KCNMA1: variants seen among roughly 807,000 people sequenced by gnomAD.
KCNMA1 encodes potassium calcium-activated channel subfamily M alpha 1, also known as Calcium-activated potassium channel subunit alpha-1.
KCNMA1 carries 29 observed loss-of-function variants against 140.0 expected under a neutral mutation model. That is an observed-to-expected ratio of 0.21 (90% CI 0.15 to 0.28). The LOEUF (loss-of-function observed/expected upper bound fraction) is 0.28, where lower values mean the gene tolerates loss of function less well. KCNMA1 is among the 10% of genes least tolerant of loss of function. KCNMA1 has a pLI of 1.00. For missense variants in KCNMA1, 880 were observed against 1,602.2 expected, an observed-to-expected ratio of 0.55 and a Z score of 7.70; for synonymous variants, 612 against 611.9, an observed-to-expected ratio of 1.00 and a Z score of 0.00.
chr10:76,896,251 T>A (rs1442875228), intron 25 of KCNMA1, among the ~76,000 whole-genome samples: 3 of 152,206 alleles, frequency 2.0e-5, no homozygotes, highest in Admixed American at 2.0e-4. Context: ...ATTATTAATA[T>A]TCCTTACTGG....
intron 5 of KCNMA1, among the ~76,000 whole-genome samples, chr10:77,169,107 A>G (rs2098674881): frequency 2.6e-5 from 4 of 152,202 alleles, no homozygotes; most frequent in Admixed American, 2.6e-4. Flanking sequence ...AGTGGCTCAG[A>G]CTATAGTGGT....
chr10:77,290,328 CAT>C (rs1260004589), intron 2 of KCNMA1, among the ~76,000 whole-genome samples: 1 of 152,106 alleles, frequency 6.6e-6, no homozygotes, highest in Non-Finnish European at 1.5e-5. Flanking sequence ...AATGAAATAA[CAT>C]ATTAAACTGC....
At chr10:77,601,687 T>C (rs907661886) in intron 1 of KCNMA1, among the ~76,000 whole-genome samples, 1 of 152,178 alleles carries the variant, frequency 6.6e-6, no homozygotes, top group African/African-American at 2.4e-5. Context: ...GTTTATTGTC[T>C]GAGGTCATTA....
intron 21 of KCNMA1, among the ~76,000 whole-genome samples, chr10:76,951,333 A>G (rs1457190634): frequency 1.3e-5 from 2 of 152,036 alleles, no homozygotes; most frequent in African/African-American, 4.8e-5. Context: ...TAGAGAGAGA[A>G]ACTGATCATT....
At chr10:77,092,445 T>G (rs560574163) in intron 9 of KCNMA1, among the ~76,000 whole-genome samples, 1 of 152,178 alleles carries the variant, frequency 6.6e-6, no homozygotes, top group South Asian at 2.1e-4. Flanking sequence ...TAGGGCTACT[T>G]TGCCATTCTA....
At chr10:77,372,112 T>C (rs542840027) in intron 2 of KCNMA1, among the ~76,000 whole-genome samples, 1 of 152,276 alleles carries the variant, frequency 6.6e-6, no homozygotes, top group East Asian at 1.9e-4. Context: ...TGAACAAAGA[T>C]TAATTGTTTG....
intron 1 of KCNMA1, among the ~76,000 whole-genome samples, chr10:77,595,045 T>TG (rs2080399601): frequency 6.6e-6 from 1 of 151,552 alleles, no homozygotes; most frequent in Non-Finnish European, 1.5e-5. Context: ...TTCAAGTGAG[T>TG]GGAAAAAAAG....
intron 1 of KCNMA1, among the ~76,000 whole-genome samples, chr10:77,610,305 A>C (rs1358671973): frequency 6.6e-6 from 1 of 152,224 alleles, no homozygotes; most frequent in Non-Finnish European, 1.5e-5. Flanking sequence ...CACACACTGA[A>C]ACCCAACCCA....
chr10:77,621,547 C>T (rs946169709), intron 1 of KCNMA1, among the ~76,000 whole-genome samples: 1 of 151,718 alleles, frequency 6.6e-6, no homozygotes, highest in African/African-American at 2.4e-5. Context: ...CACACACACA[C>T]CCCTCTCTCA....
At chr10:76,996,448 C>G (rs1009667048) in intron 19 of KCNMA1, among the ~76,000 whole-genome samples, 1 of 152,112 alleles carries the variant, frequency 6.6e-6, no homozygotes, top group African/African-American at 2.4e-5. Context: ...AGGGGATGAC[C>G]CAGTGGCTGC....
In KCNMA1 at chr10:76,886,633, GTGAGTAACTAAAAAAATCAC is replaced by G. The variant is rs1222116578; in HGVS notation, c.*613_*632del. The G allele has an allele frequency of 1.0e-6, 1 of 991,236 alleles. No homozygotes were observed. Among genetic ancestry groups the G allele is most frequent in the African/African-American group, 1.7e-5 (1 of 57,260 alleles). The allele number at this position is 991,236 out of a possible 1,614,324, so 61.4% of individuals were successfully genotyped here. A position where few individuals can be genotyped will look rare whatever the true frequency, so the allele number is the denominator to read the frequency against. Reference sequence around the variant, plus strand: ...ACTGGCTCTGGGACAAAAGGCCTTGGTGAGTAACTAAAAAAATCACTGATGTTCTCTTGCAACAAGCAGGT... The same window carrying G: ...ACTGGCTCTGGGACAAAAGGCCTTGGTGATGTTCTCTTGCAACAAGCAGGT... On this transcript the variant is annotated 3_prime_UTR_variant, in exon 28 of 28. Transcript: ENST00000286628.
intron 2 of KCNMA1, among the ~76,000 whole-genome samples, chr10:77,388,082 A>G (rs962708503): frequency 1.3e-5 from 2 of 152,224 alleles, no homozygotes; most frequent in African/African-American, 4.8e-5. Flanking sequence ...GATCTCTTCT[A>G]ATCCTTAAAC....
chr10:77,474,970 G>A (rs755418833), intron 1 of KCNMA1, among the ~76,000 whole-genome samples: 9 of 152,162 alleles, frequency 5.9e-5, no homozygotes, highest in Non-Finnish European at 1.2e-4. Flanking sequence ...CATGAGCCTA[G>A]AAGGGAGAAG....
chr10:77,279,361 C>T (rs144489273), intron 2 of KCNMA1, among the ~76,000 whole-genome samples: 11 of 152,220 alleles, frequency 7.2e-5, no homozygotes, highest in Admixed American at 1.3e-4. Context: ...CTTGCTGCAG[C>T]GGAAGTGAAT....
rs564270735 is a variant in KCNMA1 at position 77,307,041 on chromosome 10, T to G, written c.541-55785A>C. ...GCAGCTCAAGTCATCCCCAGACCAG[T>G]TGACACTCTCAACTTGCAAAAGAAC... On this transcript the variant is annotated intron_variant, in intron 2 of 27. Coordinates refer to ENST00000286628, the MANE Select transcript of KCNMA1 (RefSeq NM_001161352.2). Among the ~76,000 whole-genome samples, 8 of 152,322 alleles carry G rather than the reference T, an allele frequency of 5.3e-5. No individual in the cohort carries two copies. The East Asian group carries it at 1.5e-3, about 29-fold the overall frequency.
intron 1 of KCNMA1, among the ~76,000 whole-genome samples, chr10:77,575,674 T>C (rs1327088524): frequency 6.6e-6 from 1 of 152,218 alleles, no homozygotes; most frequent in Non-Finnish European, 1.5e-5. Flanking sequence ...GGCTGCACAT[T>C]AGGATCACCC....
chr10:77,224,733 C>T (rs1240300014), intron 3 of KCNMA1, among the ~76,000 whole-genome samples: 1 of 152,178 alleles, frequency 6.6e-6, no homozygotes, highest in African/African-American at 2.4e-5. Context: ...GGAGGTGTCA[C>T]CCATTCCCTA....
At chr10:76,891,771 G>A in intron 25 of KCNMA1, 52 bp from the exon 26 acceptor site, 1 of 1,456,718 alleles carries the variant, frequency 6.9e-7, no homozygotes, top group Non-Finnish European at 9.6e-7. Flanking sequence ...ACACCCTAAA[G>A]TCATGACAGC....
At chr10:76,950,402 A>T (rs948479015) in intron 21 of KCNMA1, among the ~76,000 whole-genome samples, 2 of 152,238 alleles carry the variant, frequency 1.3e-5, no homozygotes, top group Admixed American at 6.5e-5. Flanking sequence ...CAAAGGAGAC[A>T]AATGAAAGAA....
Sources: allele counts gnomAD v4.1 joint callset (sites outside exome capture counted in the v4.1 genomes callset), GRCh38; gene constraint gnomAD v4.1.1; transcripts MANE v1.5; gene names NCBI Gene and HGNC (gene_info 2026-07-23, HGNC 2026-07-21).